PRRC2B: variants seen among roughly 807,000 people sequenced by gnomAD.
PRRC2B encodes proline rich coiled-coil 2B, also known as protein PRRC2B.
A neutral mutation model predicts 242.3 loss-of-function variants in PRRC2B; 68 were observed. The ratio of observed to expected loss-of-function variants is 0.28; its 90% CI spans 0.23 to 0.34. The LOEUF is 0.34. Among genes scored for constraint, PRRC2B ranks in the 10% least tolerant of loss-of-function variants. PRRC2B has a pLI of 1.00. For synonymous variants in PRRC2B, 1,228 were observed against 1,173.6 expected (o/e 1.05, Z -0.95); for missense variants, 2,835 against 2,954.8 (o/e 0.96, Z 0.94).
chr9:131,483,207 A>G (rs960148894), intron 22 of PRRC2B, among the ~76,000 whole-genome samples, 152 bp from the exon 23 acceptor site: 4 of 152,160 alleles, frequency 2.6e-5, no homozygotes, highest in African/African-American at 9.7e-5. Flanking sequence ...GCCGTGGGGA[A>G]AATCTGGCCA....
chr9:131,491,660 G>T, intron 29 of PRRC2B, 80 bp downstream of exon 29: 2 of 1,351,022 alleles, frequency 1.5e-6, no homozygotes, highest in South Asian at 3.0e-5. Context: ...AAGTACCCCT[G>T]TGTGGTAGAA....
At chr9:131,431,217 G>T (rs990820092) in intron 2 of PRRC2B, among the ~76,000 whole-genome samples, 2 of 151,778 alleles carry the variant, frequency 1.3e-5, no homozygotes, top group African/African-American at 4.8e-5. Context: ...TGTAAGCTCT[G>T]CCTCCCGGGT....
At chr9:131,402,995 T>C (rs1837265806) in intron 1 of PRRC2B, among the ~76,000 whole-genome samples, 1 of 152,194 alleles carries the variant, frequency 6.6e-6, no homozygotes, top group Non-Finnish European at 1.5e-5. Flanking sequence ...TATAGAACCA[T>C]GGGATGGATC....
chr9:131,497,805 G>A lies in PRRC2B; in HGVS notation c.*1931G>A, dbSNP rs1379359136. On this transcript the variant is annotated 3_prime_UTR_variant, in exon 32 of 32. Coordinates refer to ENST00000683519, the MANE Select transcript of PRRC2B (RefSeq NM_013318.4). ...CCTTTATGCTTGAGTCCCTTCCCCA[G>A]GGGCTGCCCACCCGACAGTTCCAGG... 6.6e-6 allele frequency: 1 copy of A among 152,226 alleles called. No homozygotes were observed. Among genetic ancestry groups the A allele is most frequent in the Non-Finnish European group, 1.5e-5 (1 of 68,100 alleles). The allele number at this position is 152,226 out of a possible 1,614,324, so 9.4% of individuals were successfully genotyped here.
intron 3 of PRRC2B, among the ~76,000 whole-genome samples, chr9:131,435,095 C>G (rs923275059): frequency 6.6e-6 from 1 of 151,640 alleles, no homozygotes; most frequent in South Asian, 2.1e-4. Context: ...GTCAGGAGTT[C>G]AAGACCAGCC....
At chr9:131,380,328 A>G (rs1836739345) in intron 1 of PRRC2B, among the ~76,000 whole-genome samples, 1 of 151,780 alleles carries the variant, frequency 6.6e-6, no homozygotes, top group African/African-American at 2.4e-5. Context: ...GTGTAATCTC[A>G]GCACTTTGCG....
intron 1 of PRRC2B, among the ~76,000 whole-genome samples, chr9:131,411,352 TG>T (rs1165307252): frequency 7.1e-4 from 18 of 25,312 alleles, no homozygotes; most frequent in Admixed American, 4.1e-3. Flanking sequence ...TTTTTTGTTT[TG>T]TTTTTTTTTT....
In PRRC2B at chr9:131,464,770, C is replaced by T; in HGVS notation, c.1412C>T (p.Ser471Leu). Residue 471 changes from serine (S) to leucine (L), a missense_variant, in exon 12 of 32, where the codon TCA (serine) becomes TTA (leucine). Physicochemically the swap from Ser to Leu is moderately radical, Grantham distance 145. This residue lies in a region of PRRC2B where 626 missense variants were observed against 685.5 expected (regional missense o/e 0.91). Coordinates refer to ENST00000683519, the MANE Select transcript of PRRC2B (RefSeq NM_013318.4). ...GAGACATTCTCTTGGCAGAAGTCAT[C>T]AATGGGCAGCATGTTCCGGCAACAG... ...WAPGPDYQKS[S>L]MGSMFRQQSI... 6.3e-7 allele frequency: 1 copy of T among 1,590,194 alleles called. No homozygotes were observed. Among genetic ancestry groups the T allele is most frequent in the Non-Finnish European group, 8.6e-7 (1 of 1,165,210 alleles).
In PRRC2B at chr9:131,465,015, G is replaced by A; in HGVS notation, c.1657G>A (p.Val553Met). ...GEARKQAEKEVPWSPSAEKAS... is the reference protein window; with the variant it reads ...GEARKQAEKEMPWSPSAEKAS... ...GGCCCGGAAGCAGGCAGAGAAGGAA[G>A]TGCCCTGGTCTCCAAGTGCTGAGAA... Residue 553 changes from valine to methionine, a missense_variant, in exon 12 of 32, where the codon GTG (valine) becomes ATG (methionine). By Grantham distance (21) the Val-to-Met change is conservative (BLOSUM62 1). Around this residue, in one of 7 missense-constraint regions of PRRC2B, gnomAD observed 1,536 missense variants for 1,483.1 expected, o/e 1.04. Transcript: ENST00000683519. 6.2e-7 allele frequency: 1 copy of A among 1,613,970 alleles called. No homozygotes were observed. Among genetic ancestry groups the A allele is most frequent in the Non-Finnish European group, 8.5e-7 (1 of 1,179,890 alleles).
At chr9:131,484,648 C>T in intron 23 of PRRC2B, 38 bp from the exon 24 acceptor site, 3 of 1,530,758 alleles carry the variant, frequency 2.0e-6, no homozygotes, top group Non-Finnish European at 2.7e-6. Flanking sequence ...ATCTCTGCAC[C>T]TGTTTGTGTT....
At chr9:131,485,842 G>A (rs932763599) in intron 25 of PRRC2B, 4 of 729,836 alleles carry the variant, frequency 5.5e-6, no homozygotes, top group Non-Finnish European at 1.0e-5. Flanking sequence ...GAGCCCACCT[G>A]CCTCCTCCCT....
chr9:131,375,558 C>T (rs1351096413), intron 1 of PRRC2B, among the ~76,000 whole-genome samples: 1 of 152,130 alleles, frequency 6.6e-6, no homozygotes, highest in East Asian at 1.9e-4. Context: ...GGTGTTGTCT[C>T]AGAGCAGGTA....
In PRRC2B at chr9:131,490,787, G is replaced by A. The variant is rs142353917; in HGVS notation, c.6226-638G>A. On this transcript the variant is annotated intron_variant, in intron 28 of 31. Coordinates refer to ENST00000683519, the MANE Select transcript of PRRC2B (RefSeq NM_013318.4). ...GCAAAACAGTAAGAGTCTTGAACGT[G>A]TGTGCTGTACAAAGGAATGCAGAGA... 696 of 359,740 alleles carry A rather than the reference G, an allele frequency of 1.9e-3. 4 individuals carry two copies. The highest frequency in any genetic ancestry group is 4.3e-3 in the Middle Eastern group (11 of 2,530). The allele number at this position is 359,740 out of a possible 1,614,324, so 22.3% of individuals were successfully genotyped here.
At chr9:131,480,846 C>T (rs1250435533) in intron 19 of PRRC2B, among the ~76,000 whole-genome samples, 2 of 151,928 alleles carry the variant, frequency 1.3e-5, no homozygotes, top group Non-Finnish European at 1.5e-5. Flanking sequence ...TTTAGTAATA[C>T]CCGCTGGGAT....
At chr9:131,455,479 C>CAAG in intron 10 of PRRC2B, among the ~76,000 whole-genome samples, 1 of 149,752 alleles carries the variant, frequency 6.7e-6, no homozygotes, top group Non-Finnish European at 1.5e-5. Flanking sequence ...TGTGGCCAAG[C>CAAG]AAGTTTGGGA....
In PRRC2B at chr9:131,465,000, C is replaced by T; in HGVS notation, c.1642C>T (p.Gln548Ter). Residue 548 changes from glutamine (Q) to a stop codon, truncating the protein, a stop_gained, in exon 12 of 32, where the codon CAG (glutamine) becomes TAG (stop). Transcript: ENST00000683519. LOFTEE classifies it high-confidence loss of function. The stretch of plus-strand genomic sequence containing the variant: ...ACGAAAGGCAGGTGAGGCCCGGAAG[C>T]AGGCAGAGAAGGAAGTGCCCTGGTC... ...QARKAGEARK[Q>*]AEKEVPWSPS... The T allele has an allele frequency of 6.2e-7, 1 of 1,613,990 alleles. No homozygotes were observed. Among genetic ancestry groups the T allele is most frequent in the Non-Finnish European group, 8.5e-7 (1 of 1,179,904 alleles).
At chr9:131,495,268 G>T (rs976746974) in intron 31 of PRRC2B, among the ~76,000 whole-genome samples, 2 of 152,122 alleles carry the variant, frequency 1.3e-5, no homozygotes, top group Admixed American at 1.3e-4. Flanking sequence ...ATGGTGGGGG[G>T]GTTGGCTGAA....
intron 1 of PRRC2B, among the ~76,000 whole-genome samples, chr9:131,415,040 C>T (rs773098533): frequency 1.2e-4 from 18 of 152,062 alleles, no homozygotes; most frequent in Non-Finnish European, 2.4e-4. Context: ...TTGCCCACGC[C>T]GGAGTACAGT....
At chr9:131,417,195 T>C (rs1043846244) in intron 1 of PRRC2B, among the ~76,000 whole-genome samples, 14 of 152,172 alleles carry the variant, frequency 9.2e-5, no homozygotes, top group African/African-American at 3.4e-4. Flanking sequence ...CTCCCTTGTC[T>C]TTGCCTGAGG....
Sources: gnomAD v4.1 joint callset for allele counts (sites outside exome capture counted in the v4.1 genomes callset) on GRCh38, gnomAD v4.1.1 for gene constraint, gnomAD v4.1.1 regional missense constraint, MANE v1.5 for transcripts, NCBI Gene and HGNC (gene_info 2026-07-23, HGNC 2026-07-21) for gene names.